SSBP2: variants seen among roughly 807,000 people sequenced by gnomAD.
SSBP2 encodes single-stranded DNA-binding protein 2.
SSBP2 carries 17 observed loss-of-function variants against 61.8 expected under a neutral mutation model. The ratio of observed to expected loss-of-function variants is 0.28; its 90% confidence interval spans 0.19 to 0.41. The LOEUF is 0.41. Ranked by LOEUF, SSBP2 falls within the 10% of genes least tolerant of loss-of-function variation. SSBP2 has a pLI of 1.00. For synonymous variants in SSBP2, 139 were observed against 141.3 expected (o/e 0.98, Z 0.12); for missense variants, 310 against 458.7 (o/e 0.68, Z 2.96).
At chr5:81,740,102 G>C (rs1425317066) in intron 1 of SSBP2, among the ~76,000 whole-genome samples, 1 of 151,944 alleles carries the variant, frequency 6.6e-6, no homozygotes, top group Non-Finnish European at 1.5e-5. Flanking sequence ...TTATATAATT[G>C]ACTCAGTAAA....
At chr5:81,461,588 C>T (rs933336698) in intron 9 of SSBP2, among the ~76,000 whole-genome samples, 26 of 134,720 alleles carry the variant, frequency 1.9e-4, no homozygotes, top group African/African-American at 7.8e-4. Context: ...CTAAAGTTGC[C>T]TTTTAAAAAA....
chr5:81,473,210 G>T (rs1765364981), intron 8 of SSBP2, among the ~76,000 whole-genome samples: 1 of 152,096 alleles, frequency 6.6e-6, no homozygotes, highest in African/African-American at 2.4e-5. Flanking sequence ...CTAGGTTTCT[G>T]CACTGATTTT....
intron 5 of SSBP2, among the ~76,000 whole-genome samples, chr5:81,501,818 C>A (rs942786974): frequency 3.3e-5 from 5 of 151,910 alleles, no homozygotes; most frequent in African/African-American, 1.2e-4. Context: ...CCGCCTTGGC[C>A]TCCCAAAGTG....
At chr5:81,434,588 C>T (rs557057293) in intron 15 of SSBP2, among the ~76,000 whole-genome samples, 8 of 129,862 alleles carry the variant, frequency 6.2e-5, no homozygotes, top group Non-Finnish European at 1.2e-4. Flanking sequence ...GAGGAGATGG[C>T]ACCATTGCAC....
intron 9 of SSBP2, among the ~76,000 whole-genome samples, chr5:81,466,062 A>G (rs1257150838): frequency 6.6e-6 from 1 of 152,082 alleles, no homozygotes; most frequent in Non-Finnish European, 1.5e-5. Flanking sequence ...ATGATGGCAG[A>G]GTTGTTTAAT....
At chr5:81,420,736 C>T (rs2153882462) in intron 16 of SSBP2, among the ~76,000 whole-genome samples, 1 of 152,238 alleles carries the variant, frequency 6.6e-6, no homozygotes, top group Middle Eastern at 3.4e-3. Context: ...TTAAATATTT[C>T]CCCTGGAAAG....
Position 81,448,713 on chromosome 5 carries a change from C to T in SSBP2, c.723+77G>A, listed in dbSNP as rs114748448. On this transcript the variant is annotated intron_variant, in intron 11 of 16. Coordinates refer to ENST00000320672, the MANE Select transcript of SSBP2 (RefSeq NM_012446.5). The stretch of plus-strand genomic sequence containing the variant: ...GCCAATACACAGGGGCTCTTCTTAA[C>T]ATCTGGACAACTGTTTCATTGCCCA... The T allele has an allele frequency of 9.4e-3, 13,595 of 1,452,226 alleles. 101 individuals carry two copies. Among genetic ancestry groups the T allele is most frequent in the Middle Eastern group, 0.028 (162 of 5,726 alleles). 90.0% of individuals were successfully genotyped at this position (1,452,226 alleles called of 1,614,324 possible).
intron 1 of SSBP2, among the ~76,000 whole-genome samples, chr5:81,683,523 A>C (rs1236629821): frequency 1.3e-5 from 2 of 152,218 alleles, no homozygotes; most frequent in African/African-American, 4.8e-5. Flanking sequence ...TAAAACAATA[A>C]AACTCCTAGA....
chr5:81,608,166 T>C (rs1745058390), intron 4 of SSBP2, among the ~76,000 whole-genome samples: 1 of 152,152 alleles, frequency 6.6e-6, no homozygotes, highest in African/African-American at 2.4e-5. Flanking sequence ...CTCCCTAATT[T>C]CAGATTTCTG....
chr5:81,601,990 T>A (rs1744411909), intron 4 of SSBP2, among the ~76,000 whole-genome samples: 2 of 152,174 alleles, frequency 1.3e-5, no homozygotes. Flanking sequence ...CATGTCAATG[T>A]TACTAGTTTA....
chr5:81,731,575 C>A (rs1756269289), intron 1 of SSBP2, among the ~76,000 whole-genome samples: 1 of 152,102 alleles, frequency 6.6e-6, no homozygotes, highest in South Asian at 2.1e-4. Context: ...AAGTCGATTA[C>A]CTTACCCAAA....
chr5:81,738,066 T>C (rs140445288), intron 1 of SSBP2, among the ~76,000 whole-genome samples: 6 of 152,306 alleles, frequency 3.9e-5, no homozygotes, highest in Non-Finnish European at 8.8e-5. Flanking sequence ...TATCCCTATT[T>C]CGTGCCTTCA....
intron 3 of SSBP2, among the ~76,000 whole-genome samples, chr5:81,616,938 G>A (rs1163330764): frequency 8.8e-5 from 13 of 147,596 alleles, no homozygotes; most frequent in Middle Eastern, 3.3e-3. Flanking sequence ...CATCTACACC[G>A]AAAACCCATC....
chr5:81,718,264 T>C (rs1206270046), intron 1 of SSBP2, among the ~76,000 whole-genome samples: 1 of 152,114 alleles, frequency 6.6e-6, no homozygotes, highest in Non-Finnish European at 1.5e-5. Flanking sequence ...ATTGTAGCTA[T>C]AATATAAACA....
chr5:81,469,378 CTTTT>C (rs950854195), intron 8 of SSBP2, among the ~76,000 whole-genome samples: 1 of 151,216 alleles, frequency 6.6e-6, no homozygotes, highest in African/African-American at 2.4e-5. Flanking sequence ...ACTGCTAACT[CTTTT>C]TTTTTCTTTT....
chr5:81,467,892 C>T (rs1191764305), intron 8 of SSBP2, among the ~76,000 whole-genome samples: 5 of 151,924 alleles, frequency 3.3e-5, no homozygotes. Flanking sequence ...CTAGCTATAG[C>T]ACTCTTTTCA....
intron 4 of SSBP2, among the ~76,000 whole-genome samples, chr5:81,526,644 T>C (rs1395511112): frequency 2.0e-5 from 3 of 152,088 alleles, no homozygotes; most frequent in African/African-American, 7.2e-5. Context: ...TTTAGGTCTT[T>C]ATATATTTTT....
intron 4 of SSBP2, among the ~76,000 whole-genome samples, chr5:81,556,422 G>A (rs563934481): frequency 6.6e-6 from 1 of 152,166 alleles, no homozygotes; most frequent in African/African-American, 2.4e-5. Flanking sequence ...AAAAGTTGAA[G>A]TTAAATGAGG....
chr5:81,553,191 T>C (rs1237249935), intron 4 of SSBP2, among the ~76,000 whole-genome samples: 2 of 152,216 alleles, frequency 1.3e-5, no homozygotes, highest in South Asian at 2.1e-4. Flanking sequence ...TAAGGTTAAG[T>C]AGAGCCAACA....
Sources: gnomAD v4.1 joint callset for allele counts (sites outside exome capture counted in the v4.1 genomes callset) on GRCh38, gnomAD v4.1.1 for gene constraint, MANE v1.5 for transcripts, NCBI Gene and HGNC (gene_info 2026-07-23, HGNC 2026-07-21) for gene names.